CALCA: variants seen among roughly 807,000 people sequenced by gnomAD.
The protein encoded by CALCA is calcitonin.
In CALCA, 4 loss-of-function variants were observed where a neutral mutation model predicts 6.9. That is an observed-to-expected ratio of 0.58 (90% confidence interval 0.29 to 1.33). The LOEUF is 1.33. CALCA is among the 40% of genes most tolerant of loss of function. The probability of loss-of-function intolerance (pLI) is 0.09; values close to 1 mark genes in which losing one functional copy is unlikely to be tolerated. For missense variants in CALCA, 174 were observed against 178.3 expected, an observed-to-expected ratio of 0.98 and a Z score of 0.14; for synonymous variants, 78 against 70.0, an observed-to-expected ratio of 1.11 and a Z score of -0.57.
intron 2 of CALCA, among the ~76,000 whole-genome samples, chr11:14,970,865 AC>A (rs1849586652): frequency 6.6e-6 from 1 of 152,158 alleles, no homozygotes; most frequent in Non-Finnish European, 1.5e-5. Context: ...GTGCCATTGC[AC>A]TCCAGCATGG....
chr11:14,968,816 G>A lies in CALCA; in HGVS notation c.409C>T (p.Pro137Ser), dbSNP rs782720021. The A allele has an allele frequency of 1.4e-5, 23 of 1,614,166 alleles. No individual in the cohort carries two copies. Among genetic ancestry groups the A allele is most frequent in the Non-Finnish European group, 8.5e-7 (1 of 1,180,030 alleles). The change falls in exon 4 of 4, where the codon CCC (proline) becomes TCC (serine). Residue 137 changes from proline (P) to serine (S), a missense_variant. By Grantham distance (74) the Pro-to-Ser change is moderately conservative. Coordinates refer to ENST00000331587, the MANE Select transcript of CALCA (RefSeq NM_001741.3). ...ERDHRPHVSM[P>S]QNAN ...GGAGGAGTTTAGTTGGCATTCTGGGGCATGCTAACATGAGGGCGATGGTCT... is the reference window on the plus strand; with the variant it reads ...GGAGGAGTTTAGTTGGCATTCTGGGACATGCTAACATGAGGGCGATGGTCT...
rs566198317 is a variant in CALCA at position 14,971,501 on chromosome 11, A to G, written c.-9-300T>C. ...CCCAAAGCCACACAGATACATATAA[A>G]CCTGTTAGCCAGGTCTCTGTGGAGG... is the stretch of plus-strand genomic sequence containing the variant. On this transcript the variant is annotated intron_variant, in intron 1 of 3. Transcript: ENST00000331587. Among the ~76,000 whole-genome samples the G allele has an allele frequency of 3.3e-5, 5 of 151,518 alleles. No individual in the cohort carries two copies. The South Asian group carries it at 6.3e-4, about 19-fold the overall frequency.
chr11:14,968,287 A>C, downstream of CALCA: 1 of 351,908 alleles, frequency 2.8e-6, no homozygotes, highest in Non-Finnish European at 5.0e-6. Context: ...CCTCAGTCTT[A>C]CCTGGAAGAG....
At chr11:14,967,666 G>A (rs2133578861), downstream of CALCA, 1 of 1,613,278 alleles carries the variant, frequency 6.2e-7, no homozygotes, top group Non-Finnish European at 8.5e-7. Context: ...TCATACAAGG[G>A]CAGTCACCTT....
At chr11:14,970,121 G>A in intron 2 of CALCA, 46 bp from the exon 3 acceptor site, 1 of 1,609,722 alleles carries the variant, frequency 6.2e-7, no homozygotes, top group Admixed American at 1.7e-5. Flanking sequence ...GCCCCTGCCT[G>A]CCCCTCCCCA....
rs1590264367 is a variant in CALCA at position 14,968,681 on chromosome 11, T to C, written c.*118A>G. On this transcript the variant is annotated 3_prime_UTR_variant, in exon 4 of 4. Transcript: ENST00000331587. The stretch of plus-strand genomic sequence containing the variant: ...CTCCCATCTGAAGTTTGAGACATCC[T>C]CTGCCACAAGGAAAGCCACCAATAC... 1.2e-6 allele frequency: 2 copies of C among 1,609,798 alleles called. No homozygotes were observed. The highest frequency in any genetic ancestry group is 1.7e-6 in the Non-Finnish European group (2 of 1,178,340).
chr11:14,967,588 A>G (rs1398376273), downstream of CALCA: 9 of 1,501,110 alleles, frequency 6.0e-6, no homozygotes, highest in African/African-American at 1.4e-5. Flanking sequence ...TTAAAACCAC[A>G]TGGTCTCAGA....
chr11:14,970,041 T>C lies in CALCA; in HGVS notation c.121A>G (p.Thr41Ala). The change falls in exon 3 of 4, where the codon ACG (threonine) becomes GCG (alanine). Residue 41 changes from threonine (T) to alanine (A), a missense_variant. Coordinates refer to ENST00000331587, the MANE Select transcript of CALCA (RefSeq NM_001741.3). Reference sequence around the variant, plus strand: ...AGGCGCGCTTCGTCCTCACTGAGCGTGGCCGGGTCTGCTGGGCTGCTCTCC... The same window carrying C: ...AGGCGCGCTTCGTCCTCACTGAGCGCGGCCGGGTCTGCTGGGCTGCTCTCC... ...ALESSPADPA[T>A]LSEDEARLLL... is the part of the protein sequence containing the mutation. The C allele has an allele frequency of 6.2e-7, 1 of 1,614,214 alleles. No individual in the cohort carries two copies. Among genetic ancestry groups the C allele is most frequent in the Non-Finnish European group, 8.5e-7 (1 of 1,180,036 alleles).
downstream of CALCA, chr11:14,967,659 T>C: frequency 6.2e-7 from 1 of 1,613,354 alleles, no homozygotes; most frequent in African/African-American, 1.3e-5. Flanking sequence ...CATCCCATCA[T>C]ACAAGGGCAG....
In CALCA at chr11:14,968,522, T is replaced by A; in HGVS notation, c.*277A>T. The A allele has an allele frequency of 7.5e-7, 1 of 1,327,046 alleles. No homozygotes were observed. Among genetic ancestry groups the A allele is most frequent in the Non-Finnish European group, 9.7e-7 (1 of 1,033,730 alleles). 82.2% of individuals were successfully genotyped at this position (1,327,046 alleles called of 1,614,324 possible). On this transcript the variant is annotated 3_prime_UTR_variant, in exon 4 of 4. Transcript: ENST00000331587. ...GATCTTTGGGGAAAAATAATTTTAT[T>A]CCTCAAATGATCAGCACATTCAGAA...
At chr11:14,970,429 G>C (rs1417153299) in intron 2 of CALCA, among the ~76,000 whole-genome samples, 1 of 152,210 alleles carries the variant, frequency 6.6e-6, no homozygotes, top group Non-Finnish European at 1.5e-5. Context: ...GTGAGAAATA[G>C]ATCAACAGGT....
rs1555025824 is a variant in CALCA, at chr11:14,968,814, G to C, written c.411C>G (p.Pro137=). Reference sequence around the variant, plus strand: ...AGGGAGGAGTTTAGTTGGCATTCTGGGGCATGCTAACATGAGGGCGATGGT... The same window carrying C: ...AGGGAGGAGTTTAGTTGGCATTCTGCGGCATGCTAACATGAGGGCGATGGT... ...ERDHRPHVSM[P]QNAN The change falls in exon 4 of 4, where the codon CCC becomes CCG. Residue 137 remains proline, a synonymous_variant. Coordinates refer to ENST00000331587, the MANE Select transcript of CALCA (RefSeq NM_001741.3). The C allele has an allele frequency of 1.2e-6, 2 of 1,614,124 alleles. No homozygotes were observed. The highest frequency in any genetic ancestry group is 8.5e-7 in the Non-Finnish European group (1 of 1,180,032).
At position 14,968,875 on chromosome 11, in the gene CALCA, C is replaced by T. The variant is rs781927254; in HGVS notation, c.350G>A (p.Gly117Glu). ...GTCGCTGGACATATCCCTTTTCTTT[C>T]CAGGTGCTCCAACCCCAATTGCAGT... Reference protein sequence around the residue: ...PQTAIGVGAPGKKRDMSSDLE... With the variant: ...PQTAIGVGAPEKKRDMSSDLE... The change falls in exon 4 of 4, where the codon GGA (glycine) becomes GAA (glutamate). Residue 117 changes from glycine (G) to glutamate (E), a missense_variant. Gly to Glu is a moderately conservative substitution (Grantham distance 98). Coordinates refer to ENST00000331587, the MANE Select transcript of CALCA (RefSeq NM_001741.3). 2 of 1,614,058 alleles carry T rather than the reference C, an allele frequency of 1.2e-6. No homozygotes were observed. Among genetic ancestry groups the T allele is most frequent in the African/African-American group, 2.7e-5 (2 of 74,918 alleles).
At chr11:14,970,961 C>T in intron 2 of CALCA, 146 bp downstream of exon 2, 2 of 679,958 alleles carry the variant, frequency 2.9e-6, no homozygotes, top group Admixed American at 2.3e-5. Context: ...TTGTGTACCA[C>T]ACATTTTTAT....
At chr11:14,968,069 A>G, downstream of CALCA, 1 of 625,974 alleles carries the variant, frequency 1.6e-6, no homozygotes, top group Non-Finnish European at 2.8e-6. Flanking sequence ...GGGGTGTCAG[A>G]AAACCCAAGG....
chr11:14,967,822 G>A (rs1335745623), downstream of CALCA: 2 of 1,614,106 alleles, frequency 1.2e-6, no homozygotes, highest in African/African-American at 1.3e-5. Context: ...CACACAGGTG[G>A]CAGTGTCACA....
chr11:14,967,946 G>T, downstream of CALCA: 1 of 1,439,034 alleles, frequency 6.9e-7, no homozygotes, highest in Non-Finnish European at 9.7e-7. Context: ...TAAAGTTGCT[G>T]TGCTGAAAGG....
chr11:14,969,806 C>A (rs554532431), intron 3 of CALCA, 129 bp downstream of exon 3: 1 of 1,430,634 alleles, frequency 7.0e-7, no homozygotes, highest in Middle Eastern at 2.5e-4. Context: ...AGCTGGGCCC[C>A]AGGTCCCGGT....
chr11:14,967,775 C>T (rs1303779831), downstream of CALCA: 2 of 1,614,198 alleles, frequency 1.2e-6, no homozygotes, highest in South Asian at 1.1e-5. Flanking sequence ...TTCACCACAC[C>T]CCCTGATCTG....
Sources: gnomAD v4.1 joint callset for allele counts (sites outside exome capture counted in the v4.1 genomes callset) on GRCh38, gnomAD v4.1.1 for gene constraint, MANE v1.5 for transcripts, NCBI Gene and HGNC (gene_info 2026-07-23, HGNC 2026-07-21) for gene names.